FNDC3B: variants seen among roughly 807,000 people sequenced by gnomAD.
The protein encoded by FNDC3B is fibronectin type III domain-containing protein 3B.
In FNDC3B, 12 loss-of-function variants were observed where a neutral mutation model predicts 151.5. The ratio of observed to expected loss-of-function variants is 0.08; its 90% CI spans 0.05 to 0.13. FNDC3B has a LOEUF of 0.13. FNDC3B is among the 10% of genes least tolerant of loss of function. The pLI, the probability that FNDC3B is intolerant of heterozygous loss-of-function variation, is 1.00. For missense variants in FNDC3B, 1,214 were observed against 1,505.3 expected (o/e 0.81, Z 3.20); for synonymous variants, 528 against 549.0 (o/e 0.96, Z 0.54).
At chr3:172,041,783 T>TGG (rs1422235185) in intron 1 of FNDC3B, among the ~76,000 whole-genome samples, 1 of 152,144 alleles carries the variant, frequency 6.6e-6, no homozygotes, top group Non-Finnish European at 1.5e-5. Context: ...GTGCCTTTTG[T>TGG]GGGGGCCCTT....
rs779828354 is a variant in FNDC3B at position 172,362,796 on chromosome 3, G to A, written c.2959G>A (p.Ala987Thr). ...GGGAGACAGTAACTCCAAGACACAT[G>A]CTGCTGAGGACATTGTGTACACACT... Reference protein sequence around the residue: ...KWGDSNSKTHAAEDIVYTLQL... With the variant: ...KWGDSNSKTHTAEDIVYTLQL... The change falls in exon 23 of 26, where the codon GCT becomes ACT. Residue 987 changes from alanine to threonine, a missense_variant. Physicochemically the swap from Ala to Thr is moderately conservative, Grantham distance 58. This residue lies in a region of FNDC3B where 284 missense variants were observed against 392.4 expected (regional missense o/e 0.72). Coordinates refer to ENST00000415807, the MANE Select transcript of FNDC3B (RefSeq NM_022763.4). The A allele has an allele frequency of 7.4e-6, 12 of 1,614,042 alleles. No homozygotes were observed. Among genetic ancestry groups the A allele is most frequent in the Non-Finnish European group, 8.5e-6 (10 of 1,179,990 alleles).
At chr3:172,043,345 T>G (rs530736543) in intron 1 of FNDC3B, among the ~76,000 whole-genome samples, 1 of 152,278 alleles carries the variant, frequency 6.6e-6, no homozygotes, top group African/African-American at 2.4e-5. Flanking sequence ...GTCATATTGC[T>G]CTTTATTTTA....
rs1374944052 is a variant in FNDC3B, at chr3:172,362,809, T to C, written c.2972T>C (p.Ile991Thr). The C allele has an allele frequency of 6.2e-7, 1 of 1,613,944 alleles. No homozygotes were observed. Among genetic ancestry groups the C allele is most frequent in the Admixed American group, 1.7e-5 (1 of 59,964 alleles). ...SNSKTHAAED[I>T]VYTLQLEDRN... The stretch of plus-strand genomic sequence containing the variant: ...TCCAAGACACATGCTGCTGAGGACA[T>C]TGTGTACACACTACAGCTGGAGGAC... The change falls in exon 23 of 26, where the codon ATT (isoleucine) becomes ACT (threonine). Residue 991 changes from isoleucine to threonine, a missense_variant. Physicochemically the swap from Ile to Thr is moderately conservative, Grantham distance 89. Transcript: ENST00000415807.
At chr3:172,211,658 A>G (rs1021569676) in intron 3 of FNDC3B, among the ~76,000 whole-genome samples, 5 of 152,116 alleles carry the variant, frequency 3.3e-5, no homozygotes, top group African/African-American at 1.2e-4. Flanking sequence ...TGTTTTATGG[A>G]ATTGAGGTTA....
chr3:172,045,570 G>C (rs1267784908), intron 1 of FNDC3B, among the ~76,000 whole-genome samples: 1 of 152,170 alleles, frequency 6.6e-6, no homozygotes, highest in African/African-American at 2.4e-5. Context: ...TCAGTGTAGG[G>C]GAGTCTTTGC....
chr3:172,343,723 T>A (rs1323846340), intron 18 of FNDC3B, among the ~76,000 whole-genome samples: 1 of 152,154 alleles, frequency 6.6e-6, no homozygotes, highest in African/African-American at 2.4e-5. Flanking sequence ...CAATTTGGGG[T>A]CCTGTATTTT....
intron 2 of FNDC3B, among the ~76,000 whole-genome samples, chr3:172,128,256 A>G (rs1720901896): frequency 6.6e-6 from 1 of 152,198 alleles, no homozygotes; most frequent in Admixed American, 6.5e-5. Flanking sequence ...AAATGAGGCA[A>G]TGGACACATT....
chr3:172,249,232 G>C (rs1727942229), intron 5 of FNDC3B, among the ~76,000 whole-genome samples: 2 of 152,128 alleles, frequency 1.3e-5, no homozygotes, highest in Admixed American at 1.3e-4. Flanking sequence ...ATTGCTTGCT[G>C]GTATATGTCT....
At chr3:172,100,844 A>G (rs1332711938) in intron 1 of FNDC3B, among the ~76,000 whole-genome samples, 1 of 152,238 alleles carries the variant, frequency 6.6e-6, no homozygotes, top group Non-Finnish European at 1.5e-5. Flanking sequence ...CTGATTTTCA[A>G]TGTATCAGAC....
rs139777992 is a variant in FNDC3B at position 172,217,357 on chromosome 3, G to A, written c.188-9514G>A. Among the ~76,000 whole-genome samples, 9 of 152,308 alleles carry A rather than the reference G, an allele frequency of 5.9e-5. No homozygotes were observed. The East Asian group carries it at 1.7e-3, about 29-fold the overall frequency. On this transcript the variant is annotated intron_variant, in intron 3 of 25. Coordinates refer to ENST00000415807, the MANE Select transcript of FNDC3B (RefSeq NM_022763.4). ...CATGTTAGGTCATCATGCCTGCTGT[G>A]AATGGATTCACCAACTTTCTGTACC...
At chr3:172,181,105 T>TTTTGACATTTTAAA (rs373397363) in intron 3 of FNDC3B, among the ~76,000 whole-genome samples, 1 of 151,918 alleles carries the variant, frequency 6.6e-6, no homozygotes, top group African/African-American at 2.4e-5. Context: ...AGATATATTC[T>TTTTGACATTTTAAA]AAGATGACAG....
At chr3:172,111,243 C>T (rs1719949750) in intron 1 of FNDC3B, among the ~76,000 whole-genome samples, 1 of 151,964 alleles carries the variant, frequency 6.6e-6, no homozygotes, top group Non-Finnish European at 1.5e-5. Flanking sequence ...ATCATTTGAC[C>T]TGTTCATAGT....
chr3:172,068,581 G>A (rs1717619734), intron 1 of FNDC3B, among the ~76,000 whole-genome samples: 1 of 151,876 alleles, frequency 6.6e-6, no homozygotes, highest in Non-Finnish European at 1.5e-5. Context: ...AAGCCACCAC[G>A]CTCTGGTAAT....
chr3:172,068,423 C>CTTTT (rs11459544), intron 1 of FNDC3B, among the ~76,000 whole-genome samples: 14 of 122,564 alleles, frequency 1.1e-4, no homozygotes, highest in South Asian at 2.7e-4. Context: ...TGTGAGGAGC[C>CTTTT]TTTTTTTTTT....
In FNDC3B at chr3:172,307,428, G is replaced by A; in HGVS notation, c.1127G>A (p.Ser376Asn). Residue 376 changes from serine (S) to asparagine (N), a missense_variant, in exon 10 of 26, where the codon AGC (serine) becomes AAC (asparagine). Physicochemically the swap from Ser to Asn is conservative, Grantham distance 46 (BLOSUM62 1). Transcript: ENST00000415807. ...CSEPVSFTTH[S>N]CAPECPFPPK... ...GAGCCTGTTAGCTTCACCACCCACA[G>A]CTGTGCACCCGAGTGTCCTTTCCCC... 3 of 1,614,134 alleles carry A rather than the reference G, an allele frequency of 1.9e-6. No homozygotes were observed. The highest frequency in any genetic ancestry group is 2.5e-6 in the Non-Finnish European group (3 of 1,179,984).
chr3:172,131,388 C>T (rs1031534862), intron 2 of FNDC3B, among the ~76,000 whole-genome samples: 5 of 149,258 alleles, frequency 3.3e-5, no homozygotes, highest in Admixed American at 1.3e-4. Context: ...AGCGAAACTC[C>T]GTCTCAAGAA....
chr3:172,285,965 C>T lies in FNDC3B; in HGVS notation c.830C>T (p.Ser277Leu). 4.3e-6 allele frequency: 7 copies of T among 1,611,538 alleles called. No individual in the cohort carries two copies. The highest frequency in any genetic ancestry group is 2.2e-5 in the South Asian group (2 of 90,840). ...GTAAAGAGGGTGCAAGACATTCTTT[C>T]GGGAATAGAGAAACCACAGGTATGT... ...LEVKRVQDIL[S>L]GIEKPQVSNI... Residue 277 changes from serine (S) to leucine (L), a missense_variant, in exon 7 of 26, where the codon TCG becomes TTG. By Grantham distance (145) the Ser-to-Leu change is moderately radical (BLOSUM62 -2). This residue lies in a region of FNDC3B where 156 missense variants were observed against 225.3 expected (regional missense o/e 0.69). Transcript: ENST00000415807.
rs149397836 is a variant in FNDC3B, at chr3:172,298,575, A to G, written c.1002-153A>G. Among the ~76,000 whole-genome samples the G allele has an allele frequency of 1.1e-4, 17 of 152,386 alleles. No homozygotes were observed. In the East Asian group the frequency reaches 2.5e-3, roughly 22 times the overall value. ...GATTTTCTAGTCCCAAACAAATAAT[A>G]ATATCAAATAAGAAAGTTTATTTCT... On this transcript the variant is annotated intron_variant, in intron 8 of 25. Transcript: ENST00000415807.
At chr3:172,107,180 C>T (rs1719696845) in intron 1 of FNDC3B, among the ~76,000 whole-genome samples, 1 of 152,108 alleles carries the variant, frequency 6.6e-6, no homozygotes, top group African/African-American at 2.4e-5. Context: ...GTGTGAAGCA[C>T]TTGCGGTTTT....
Sources: allele counts gnomAD v4.1 joint callset (sites outside exome capture counted in the v4.1 genomes callset), GRCh38; gene constraint gnomAD v4.1.1; regional missense constraint gnomAD v4.1.1; transcripts MANE v1.5; gene names NCBI Gene and HGNC (gene_info 2026-07-23, HGNC 2026-07-21).